STK40: variants seen among roughly 807,000 people sequenced by gnomAD.
STK40 encodes the protein serine/threonine kinase 40, also known as serine/threonine-protein kinase 40.
Under a neutral mutation model 47.9 loss-of-function variants are expected in STK40, and 13 were observed. The ratio of observed to expected loss-of-function variants is 0.27; its 90% CI spans 0.18 to 0.43. The LOEUF is 0.43. Among genes scored for constraint, STK40 ranks in the 20% least tolerant of loss-of-function variants. The pLI, the probability that STK40 is intolerant of heterozygous loss-of-function variation, is 1.00. For missense variants in STK40, 460 were observed against 595.1 expected (o/e 0.77, Z 2.36); for synonymous variants, 225 against 243.2 (o/e 0.93, Z 0.69).
chr1:36,366,647 C>T (rs1299395201), intron 1 of STK40, among the ~76,000 whole-genome samples: 1 of 152,084 alleles, frequency 6.6e-6, no homozygotes, highest in Non-Finnish European at 1.5e-5. Context: ...ATCCCGGCTT[C>T]ACAGTGAGAT....
chr1:36,363,033 G>A (rs1245152120), intron 1 of STK40, among the ~76,000 whole-genome samples: 1 of 152,154 alleles, frequency 6.6e-6, no homozygotes, highest in East Asian at 1.9e-4. Flanking sequence ...GTGCACACCT[G>A]TAATCCCACC....
intron 8 of STK40, 57 bp from the exon 9 acceptor site, chr1:36,344,036 G>A (rs1646677884): frequency 1.3e-6 from 2 of 1,589,644 alleles, no homozygotes; most frequent in African/African-American, 1.3e-5. Context: ...CTGTGGCCAG[G>A]ATGCCCAGGC....
chr1:36,351,051 C>T (rs1319150423), intron 6 of STK40, among the ~76,000 whole-genome samples: 2 of 152,192 alleles, frequency 1.3e-5, no homozygotes, highest in Admixed American at 6.5e-5. Flanking sequence ...AGGGAGGGGA[C>T]GTGTGTCAGT....
intron 4 of STK40, among the ~76,000 whole-genome samples, chr1:36,356,882 CAA>C (rs1298329316): frequency 6.6e-6 from 1 of 152,132 alleles, no homozygotes; most frequent in Non-Finnish European, 1.5e-5. Flanking sequence ...ATATCACAGA[CAA>C]AATACCAAGA....
At chr1:36,355,832 C>T (rs1024151378) in intron 4 of STK40, among the ~76,000 whole-genome samples, 3 of 152,192 alleles carry the variant, frequency 2.0e-5, no homozygotes, top group Non-Finnish European at 1.5e-5. Context: ...CTTTTGATAT[C>T]TAAGATGGCG....
chr1:36,362,015 T>C (rs955075956), intron 1 of STK40, among the ~76,000 whole-genome samples: 1 of 152,172 alleles, frequency 6.6e-6, no homozygotes, highest in African/African-American at 2.4e-5. Flanking sequence ...ACTCAAACTT[T>C]TCCTGAATTA....
intron 7 of STK40, among the ~76,000 whole-genome samples, chr1:36,345,135 A>G (rs1646688585): frequency 6.6e-6 from 1 of 152,242 alleles, no homozygotes; most frequent in Non-Finnish European, 1.5e-5. Context: ...CCACTGGAGC[A>G]TTTGAAAGCT....
chr1:36,368,313 C>T (rs1646918511), intron 1 of STK40, among the ~76,000 whole-genome samples: 1 of 152,116 alleles, frequency 6.6e-6, no homozygotes, highest in Non-Finnish European at 1.5e-5. Context: ...CTTGCTCTGT[C>T]ACCCAGACTG....
chr1:36,341,623 C>T lies in STK40; in HGVS notation c.*132G>A, dbSNP rs530134324. ...CTGCTGACCCCACGTGTGACCTGGG[C>T]TGTCCCTGTCCCTGCCCTGTCCCTA... is the stretch of plus-strand genomic sequence containing the variant. On this transcript the variant is annotated 3_prime_UTR_variant, in exon 11 of 11. Coordinates refer to ENST00000373132, the MANE Select transcript of STK40 (RefSeq NM_001282547.2). The T allele has an allele frequency of 5.3e-5, 58 of 1,092,374 alleles. 1 individual carries two copies. The South Asian group carries it at 8.8e-4, about 17-fold the overall frequency. The allele number at this position is 1,092,374 out of a possible 1,614,324, so 67.7% of individuals were successfully genotyped here.
rs955426924 is a variant in STK40 at position 36,341,312 on chromosome 1, G to C, written c.*443C>G. The C allele has an allele frequency of 1.5e-4, 25 of 162,716 alleles. No homozygotes were observed. Among genetic ancestry groups the C allele is most frequent in the African/African-American group, 5.3e-4 (22 of 41,784 alleles). 10.1% of individuals were successfully genotyped at this position (162,716 alleles called of 1,614,324 possible). A position where few individuals can be genotyped will look rare whatever the true frequency, so the allele number is the denominator to read the frequency against. On this transcript the variant is annotated 3_prime_UTR_variant, in exon 11 of 11. Coordinates refer to ENST00000373132, the MANE Select transcript of STK40 (RefSeq NM_001282547.2). ...GAGGCTGTGGCAGGGGCCTGGGAGA[G>C]CAGGGAGGAGGGGAAGCTCGCTCTG... is the stretch of plus-strand genomic sequence containing the variant.
intron 1 of STK40, among the ~76,000 whole-genome samples, chr1:36,365,808 A>T (rs1370229754): frequency 6.6e-6 from 1 of 152,190 alleles, no homozygotes; most frequent in East Asian, 1.9e-4. Context: ...TTTTGTAACT[A>T]TGTATTTATT....
At chr1:36,360,693 A>G (rs893750418) in intron 2 of STK40, among the ~76,000 whole-genome samples, 1 of 151,928 alleles carries the variant, frequency 6.6e-6, no homozygotes, top group African/African-American at 2.4e-5. Context: ...GTGACACCAC[A>G]CCCAATTAAT....
At chr1:36,380,709 C>T (rs984532546) in intron 1 of STK40, among the ~76,000 whole-genome samples, 1 of 152,146 alleles carries the variant, frequency 6.6e-6, no homozygotes, top group East Asian at 1.9e-4. Flanking sequence ...GAAGATTTAT[C>T]GCTTTATAGA....
At chr1:36,354,337 G>A (rs768406125) in intron 6 of STK40, 27 bp downstream of exon 6, 31 of 1,613,210 alleles carry the variant, frequency 1.9e-5, no homozygotes, top group Non-Finnish European at 2.3e-5. Flanking sequence ...CGGGGTAACT[G>A]TATGGATGTA....
intron 1 of STK40, among the ~76,000 whole-genome samples, chr1:36,363,329 A>C (rs1396428422): frequency 1.3e-5 from 2 of 152,154 alleles, no homozygotes; most frequent in African/African-American, 4.8e-5. Context: ...TTAAGGATAA[A>C]TTGTATAGTA....
intron 1 of STK40, among the ~76,000 whole-genome samples, chr1:36,372,448 A>AT (rs1646957149): frequency 6.7e-6 from 1 of 149,632 alleles, no homozygotes; most frequent in Non-Finnish European, 1.5e-5. Flanking sequence ...AAAAAAAAAA[A>AT]GAAAGAAAGA....
In STK40 at chr1:36,343,985, G is replaced by A; in HGVS notation, c.885-6C>T. The A allele has an allele frequency of 6.2e-7, 1 of 1,601,484 alleles. No homozygotes were observed. The highest frequency in any genetic ancestry group is 8.5e-7 in the Non-Finnish European group (1 of 1,170,908). ...TCTCAGAAACCCGTCCATCCCTGAG[G>A]CAGGGAGTTGGGGAGGAGGGCTCAG... On this transcript the variant is annotated splice_region_variant and splice_polypyrimidine_tract_variant and intron_variant, in intron 8 of 10. Coordinates refer to ENST00000373132, the MANE Select transcript of STK40 (RefSeq NM_001282547.2).
In STK40 at chr1:36,343,754, T is replaced by C. The variant is rs114710671; in HGVS notation, c.1004+106A>G. Reference sequence around the variant, plus strand: ...CATGCAGAGAATCTGGAAATCTGACTCTAACTGGCAGAGAAGCAGGCTGAC... The same window carrying C: ...CATGCAGAGAATCTGGAAATCTGACCCTAACTGGCAGAGAAGCAGGCTGAC... On this transcript the variant is annotated intron_variant, in intron 9 of 10. Coordinates refer to ENST00000373132, the MANE Select transcript of STK40 (RefSeq NM_001282547.2). 500 of 1,472,900 alleles carry C rather than the reference T, an allele frequency of 3.4e-4. 2 individuals carry two copies. The African/African-American group carries it at 6.5e-3, about 19-fold the overall frequency. 91.2% of individuals were successfully genotyped at this position (1,472,900 alleles called of 1,614,324 possible).
At chr1:36,364,064 T>C (rs1300353305) in intron 1 of STK40, among the ~76,000 whole-genome samples, 13 of 151,584 alleles carry the variant, frequency 8.6e-5, no homozygotes, top group Non-Finnish European at 1.5e-5. Context: ...GGCAGGAGAA[T>C]AGTGTGAACC....
Sources: allele counts gnomAD v4.1 joint callset (sites outside exome capture counted in the v4.1 genomes callset), GRCh38; gene constraint gnomAD v4.1.1; transcripts MANE v1.5; gene names NCBI Gene and HGNC (gene_info 2026-07-23, HGNC 2026-07-21).